Variants in SNTB1 observed in about 807,000 individuals in gnomAD.
The protein encoded by SNTB1 is syntrophin beta 1, also known as beta-1-syntrophin.
A neutral mutation model predicts 48.9 loss-of-function variants in SNTB1; 36 were observed. That is an observed-to-expected ratio of 0.74 (90% CI 0.56 to 0.97). SNTB1 has a LOEUF of 0.97. Among genes scored for constraint, SNTB1 ranks in the 50% least tolerant of loss-of-function variants. The pLI, the probability that SNTB1 is intolerant of heterozygous loss-of-function variation, is 0.00. For synonymous variants in SNTB1, 299 were observed against 294.6 expected (o/e 1.01, Z -0.15); for missense variants, 786 against 703.4 (o/e 1.12, Z -1.33).
intron 4 of SNTB1, chr8:120,571,136 C>T: frequency 9.1e-7 from 1 of 1,103,166 alleles, no homozygotes; most frequent in Non-Finnish European, 1.1e-6. Context: ...TTCATAATGC[C>T]CAGAAACTGT....
chr8:120,588,064 A>G (rs1816177554), intron 3 of SNTB1, among the ~76,000 whole-genome samples: 1 of 152,222 alleles, frequency 6.6e-6, no homozygotes, highest in Non-Finnish European at 1.5e-5. Flanking sequence ...CAAAAACAGC[A>G]GGCTCTTTGG....
At chr8:120,572,352 G>T (rs116860783) in intron 4 of SNTB1, among the ~76,000 whole-genome samples, 2,896 of 152,258 alleles carry the variant, frequency 0.019, 42 homozygotes, top group Middle Eastern at 0.044. Context: ...GCACAATATT[G>T]CCAGGCACTG....
intron 4 of SNTB1, among the ~76,000 whole-genome samples, chr8:120,565,587 G>A (rs1815735844): frequency 6.6e-6 from 1 of 152,214 alleles, no homozygotes; most frequent in Non-Finnish European, 1.5e-5. Flanking sequence ...GGTCATCTAA[G>A]TGAAAAGGAA....
intron 1 of SNTB1, among the ~76,000 whole-genome samples, chr8:120,772,658 G>A (rs1819658651): frequency 6.6e-6 from 1 of 152,164 alleles, no homozygotes; most frequent in Non-Finnish European, 1.5e-5. Flanking sequence ...CAACTAAGCT[G>A]AAATGAGAAG....
At chr8:120,732,037 G>C (rs917597636) in intron 1 of SNTB1, among the ~76,000 whole-genome samples, 5 of 152,214 alleles carry the variant, frequency 3.3e-5, no homozygotes, top group Non-Finnish European at 1.5e-5. Flanking sequence ...GCTCTTTTGA[G>C]GATGCTTATC....
intron 3 of SNTB1, among the ~76,000 whole-genome samples, chr8:120,627,831 A>G (rs780984612): frequency 1.3e-5 from 2 of 152,200 alleles, no homozygotes; most frequent in Non-Finnish European, 2.9e-5. Flanking sequence ...ATCTCAGCTT[A>G]GTGGAAAGTG....
intron 4 of SNTB1, chr8:120,571,057 G>T: frequency 2.0e-6 from 1 of 506,412 alleles, no homozygotes; most frequent in Non-Finnish European, 2.9e-6. Context: ...ATAACTCCTG[G>T]CACATAGTAG....
intron 3 of SNTB1, among the ~76,000 whole-genome samples, chr8:120,575,625 T>A (rs142921370): frequency 1.6e-4 from 24 of 152,320 alleles, no homozygotes; most frequent in Admixed American, 1.2e-3. Flanking sequence ...TGAATAAATA[T>A]CTAAAGGCTC....
At chr8:120,707,990 G>C (rs1412608997) in intron 1 of SNTB1, among the ~76,000 whole-genome samples, 1 of 151,594 alleles carries the variant, frequency 6.6e-6, no homozygotes, top group Non-Finnish European at 1.5e-5. Flanking sequence ...AAAATCTAAA[G>C]GTCATATAGG....
intron 3 of SNTB1, among the ~76,000 whole-genome samples, chr8:120,625,128 G>A (rs1357612053): frequency 2.6e-5 from 4 of 152,086 alleles, no homozygotes; most frequent in Admixed American, 6.5e-5. Context: ...CGATAATGGC[G>A]TTAATCCATT....
chr8:120,736,211 C>T (rs4132497), intron 1 of SNTB1, among the ~76,000 whole-genome samples: 4,017 of 152,234 alleles, frequency 0.026, 167 homozygotes, highest in African/African-American at 0.09. Flanking sequence ...GATTCAATTA[C>T]CCCTACCTTG....
In SNTB1 at chr8:120,740,589, A is replaced by G. The variant is rs573988940; in HGVS notation, c.572-46681T>C. Among the ~76,000 whole-genome samples the G allele has an allele frequency of 1.9e-4, 29 of 152,204 alleles. No homozygotes were observed. In the East Asian group the frequency reaches 2.1e-3, roughly 11 times the overall value. Reference sequence around the variant, plus strand: ...GGGAACTGGAACTGGCTTACAGGCCATGGGTAATTAAGCCTTATGTTAAGC... The same window carrying G: ...GGGAACTGGAACTGGCTTACAGGCCGTGGGTAATTAAGCCTTATGTTAAGC... On this transcript the variant is annotated intron_variant, in intron 1 of 6. Coordinates refer to ENST00000517992, the MANE Select transcript of SNTB1 (RefSeq NM_021021.4).
At chr8:120,617,561 C>G (rs977884848) in intron 3 of SNTB1, among the ~76,000 whole-genome samples, 2 of 152,170 alleles carry the variant, frequency 1.3e-5, no homozygotes, top group Non-Finnish European at 1.5e-5. Context: ...GAACACCTAC[C>G]TGACCCAGTG....
At chr8:120,707,977 G>GA (rs1317942040) in intron 1 of SNTB1, among the ~76,000 whole-genome samples, 3 of 151,268 alleles carry the variant, frequency 2.0e-5, no homozygotes, top group Non-Finnish European at 4.4e-5. Flanking sequence ...TGTGCCATAA[G>GA]AAAAAATCTA....
chr8:120,601,435 G>T (rs1816420184), intron 3 of SNTB1, among the ~76,000 whole-genome samples: 1 of 152,058 alleles, frequency 6.6e-6, no homozygotes, highest in Non-Finnish European at 1.5e-5. Context: ...ATACCCCATG[G>T]ACATCCTTAC....
chr8:120,640,281 G>A (rs1366934054), intron 2 of SNTB1, among the ~76,000 whole-genome samples: 1 of 152,216 alleles, frequency 6.6e-6, no homozygotes, highest in African/African-American at 2.4e-5. Flanking sequence ...ATTTTGGGCT[G>A]AGACAATGGG....
intron 2 of SNTB1, among the ~76,000 whole-genome samples, chr8:120,639,476 T>C (rs1817147368): frequency 6.6e-6 from 1 of 152,234 alleles, no homozygotes; most frequent in African/African-American, 2.4e-5. Context: ...TGAATGCTAT[T>C]GCCTAGGTTT....
intron 3 of SNTB1, among the ~76,000 whole-genome samples, chr8:120,622,171 G>C (rs1407208181): frequency 6.6e-6 from 1 of 152,154 alleles, no homozygotes; most frequent in Non-Finnish European, 1.5e-5. Flanking sequence ...GAATCACTGT[G>C]ATAAAGTGAC....
At position 120,575,187 on chromosome 8, in the gene SNTB1, C is replaced by A; in HGVS notation, c.1035G>T (p.Leu345=). The change falls in exon 4 of 7, where the codon CTG becomes CTT. Residue 345 remains leucine (L), a synonymous_variant. Coordinates refer to ENST00000517992, the MANE Select transcript of SNTB1 (RefSeq NM_021021.4). The stretch of plus-strand genomic sequence containing the variant: ...AAAGGTCTTTCTCAGTCAGCACAAC[C>A]AGGGCTGGTTTCCACTGTTTCTTGC... ...GESKKQWKPA[L]VVLTEKDLLI... is the part of the protein sequence containing the mutation. 6.2e-7 allele frequency: 1 copy of A among 1,614,128 alleles called. No homozygotes were observed. The highest frequency in any genetic ancestry group is 8.5e-7 in the Non-Finnish European group (1 of 1,180,008).
Sources: allele counts gnomAD v4.1 joint callset (sites outside exome capture counted in the v4.1 genomes callset), GRCh38; gene constraint gnomAD v4.1.1; transcripts MANE v1.5; gene names NCBI Gene and HGNC (gene_info 2026-07-23, HGNC 2026-07-21).